Variants in WDR7 observed in about 807,000 individuals in gnomAD.
WDR7 encodes the protein WD repeat-containing protein 7.
In WDR7, 46 loss-of-function variants were observed where a neutral mutation model predicts 169.4. The observed-to-expected ratio is 0.27, with a 90% CI of 0.21 to 0.35. The LOEUF is 0.35. WDR7 is among the 10% of genes least tolerant of loss of function. The pLI is 1.00. For missense variants in WDR7, 1,534 were observed against 1,859.3 expected, an observed-to-expected ratio of 0.83 and a Z score of 3.22; for synonymous variants, 612 against 666.8, an observed-to-expected ratio of 0.92 and a Z score of 1.27.
At chr18:56,755,477 A>ATT (rs1170613294) in intron 14 of WDR7, among the ~76,000 whole-genome samples, 1 of 152,184 alleles carries the variant, frequency 6.6e-6, no homozygotes, top group Non-Finnish European at 1.5e-5. Flanking sequence ...TGAGGAGCAA[A>ATT]GATAAGTGGT....
At chr18:56,951,752 CTATG>C (rs893574229) in intron 25 of WDR7, among the ~76,000 whole-genome samples, 1 of 151,942 alleles carries the variant, frequency 6.6e-6, no homozygotes, top group Non-Finnish European at 1.5e-5. Context: ...CATATATACA[CTATG>C]TATATAGTCT....
At chr18:56,853,993 A>G (rs1435804652) in intron 20 of WDR7, among the ~76,000 whole-genome samples, 1 of 152,224 alleles carries the variant, frequency 6.6e-6, no homozygotes, top group Admixed American at 6.5e-5. Flanking sequence ...CAATGTTGTT[A>G]TGAACATCTG....
intron 1 of WDR7, among the ~76,000 whole-genome samples, chr18:56,662,167 T>C (rs1418507632): frequency 1.3e-5 from 2 of 152,208 alleles, no homozygotes; most frequent in Non-Finnish European, 2.9e-5. Context: ...TGAGTTTGTT[T>C]TTGTCTGCAA....
At chr18:56,773,029 C>G (rs898939097) in intron 16 of WDR7, among the ~76,000 whole-genome samples, 3 of 152,170 alleles carry the variant, frequency 2.0e-5, no homozygotes, top group Admixed American at 2.0e-4. Context: ...CGTATTAAAA[C>G]TGTGCTTATA....
intron 16 of WDR7, among the ~76,000 whole-genome samples, chr18:56,764,140 C>A (rs192643028): frequency 3.9e-4 from 59 of 151,708 alleles, no homozygotes; most frequent in Non-Finnish European, 6.0e-4. Flanking sequence ...GATTTAAAAC[C>A]TTTCTCCTTT....
At chr18:56,931,074 T>C (rs913403925) in intron 22 of WDR7, among the ~76,000 whole-genome samples, 4 of 152,196 alleles carry the variant, frequency 2.6e-5, no homozygotes, top group African/African-American at 9.7e-5. Flanking sequence ...ATATTTCATA[T>C]TGGGTGTGTA....
intron 19 of WDR7, among the ~76,000 whole-genome samples, chr18:56,805,889 G>C (rs533988762): frequency 1.1e-4 from 16 of 152,112 alleles, no homozygotes; most frequent in Non-Finnish European, 1.9e-4. Context: ...TGTTTTATTA[G>C]CCTCATTGCC....
chr18:56,760,330 T>G (rs2043962300), intron 16 of WDR7, among the ~76,000 whole-genome samples: 1 of 152,220 alleles, frequency 6.6e-6, no homozygotes. Flanking sequence ...CTATCTTGAC[T>G]TTTGTGAAGC....
At chr18:56,762,118 C>T (rs1021562796) in intron 16 of WDR7, among the ~76,000 whole-genome samples, 2 of 152,012 alleles carry the variant, frequency 1.3e-5, no homozygotes, top group Non-Finnish European at 2.9e-5. Flanking sequence ...TAATTTTCCT[C>T]TATTAATGTG....
intron 20 of WDR7, among the ~76,000 whole-genome samples, chr18:56,853,817 A>G (rs1460516493): frequency 6.6e-6 from 1 of 152,204 alleles, no homozygotes; most frequent in Non-Finnish European, 1.5e-5. Flanking sequence ...ATAATCCATT[A>G]GTACTTTCTT....
intron 21 of WDR7, among the ~76,000 whole-genome samples, chr18:56,880,627 A>G (rs2046093578): frequency 6.6e-6 from 1 of 152,230 alleles, no homozygotes; most frequent in South Asian, 2.1e-4. Context: ...TAATGGGCAT[A>G]TTAATAAATT....
chr18:56,673,522 A>T (rs2025179978), intron 2 of WDR7, among the ~76,000 whole-genome samples: 1 of 152,112 alleles, frequency 6.6e-6, no homozygotes, highest in Non-Finnish European at 1.5e-5. Flanking sequence ...CTTCCAAAAC[A>T]AACCCTGTAC....
At chr18:56,781,272 A>C (rs140799742) in intron 18 of WDR7, among the ~76,000 whole-genome samples, 65 of 152,360 alleles carry the variant, frequency 4.3e-4, no homozygotes, top group Admixed American at 1.2e-3. Flanking sequence ...TGGAAAATGC[A>C]GTGATTAAAT....
At chr18:56,860,162 A>G (rs959582524) in intron 20 of WDR7, among the ~76,000 whole-genome samples, 1 of 152,178 alleles carries the variant, frequency 6.6e-6, no homozygotes, top group African/African-American at 2.4e-5. Context: ...GAAGCACAGA[A>G]TGATGGGCCC....
intron 1 of WDR7, among the ~76,000 whole-genome samples, chr18:56,656,462 T>C (rs1375005387): frequency 6.6e-6 from 1 of 151,872 alleles, no homozygotes; most frequent in African/African-American, 2.4e-5. Flanking sequence ...TGCATTTTAG[T>C]AGAGATGGGG....
chr18:56,723,584 T>G (rs922512868), intron 13 of WDR7, among the ~76,000 whole-genome samples: 3 of 152,150 alleles, frequency 2.0e-5, no homozygotes, highest in African/African-American at 7.2e-5. Context: ...ACCTTATGTT[T>G]CCTCTGTATA....
At chr18:56,672,701 A>C in intron 2 of WDR7, 27 bp downstream of exon 2, 4 of 1,555,972 alleles carry the variant, frequency 2.6e-6, no homozygotes, top group Non-Finnish European at 3.5e-6. Context: ...CCTATTATAC[A>C]TTTTAGATAT....
At chr18:56,853,064 A>G (rs1265723957) in intron 20 of WDR7, among the ~76,000 whole-genome samples, 2 of 152,220 alleles carry the variant, frequency 1.3e-5, no homozygotes, top group African/African-American at 2.4e-5. Flanking sequence ...AATACGAAAA[A>G]TATCTTGAAG....
intron 20 of WDR7, among the ~76,000 whole-genome samples, chr18:56,821,801 C>A (rs550597610): frequency 6.6e-6 from 1 of 151,608 alleles, no homozygotes; most frequent in African/African-American, 2.4e-5. Context: ...TTGAGACTAT[C>A]CTACACAACA....
Sources: gnomAD v4.1 joint callset for allele counts (sites outside exome capture counted in the v4.1 genomes callset) on GRCh38, gnomAD v4.1.1 for gene constraint, MANE v1.5 for transcripts, NCBI Gene and HGNC (gene_info 2026-07-23, HGNC 2026-07-21) for gene names.